Variants in PPP1R42 observed in about 807,000 individuals in gnomAD.
The protein encoded by PPP1R42 is leucine rich repeat containing 67.
In PPP1R42, 34 loss-of-function variants were observed where a neutral mutation model predicts 31.0. The ratio of observed to expected loss-of-function variants is 1.10; its 90% CI spans 0.83 to 1.46. PPP1R42 has a LOEUF of 1.46. PPP1R42 is among the 40% of genes most tolerant of loss of function. PPP1R42 has a pLI of 0.00. For synonymous variants in PPP1R42, 103 were observed against 109.8 expected, an observed-to-expected ratio of 0.94 and a Z score of 0.39; for missense variants, 268 against 303.0, an observed-to-expected ratio of 0.88 and a Z score of 0.86.
intron 2 of PPP1R42, 48 bp from the exon 3 acceptor site, chr8:67,014,640 T>TAA (rs764412541): frequency 8.7e-6 from 12 of 1,373,326 alleles, no homozygotes; most frequent in Non-Finnish European, 1.2e-5. Context: ...CCTGAAAACT[T>TAA]AAAAGTTTGT....
chr8:66,985,987 A>C, intron 6 of PPP1R42: 1 of 746,776 alleles, frequency 1.3e-6, no homozygotes, highest in Middle Eastern at 2.4e-4. Flanking sequence ...TCACTGCTAG[A>C]CTTGGAATGC....
intron 7 of PPP1R42, chr8:66,968,559 T>G: frequency 1.2e-6 from 1 of 840,354 alleles, no homozygotes; most frequent in Non-Finnish European, 1.4e-6. Context: ...TTAATCAATT[T>G]TCTAGAAACT....
intron 5 of PPP1R42, among the ~76,000 whole-genome samples, chr8:67,009,197 G>T (rs1815774554): frequency 6.6e-6 from 1 of 152,060 alleles, no homozygotes; most frequent in Non-Finnish European, 1.5e-5. Flanking sequence ...TTGAACCTGG[G>T]AGGCGGAGGT....
intron 7 of PPP1R42, chr8:66,970,743 G>GT: frequency 2.0e-6 from 1 of 504,896 alleles, no homozygotes; most frequent in South Asian, 1.6e-5. Flanking sequence ...ACCTCAGTGG[G>GT]TGTATCCAGT....
chr8:67,022,904 A>G (rs1816267091), intron 1 of PPP1R42, among the ~76,000 whole-genome samples: 1 of 152,090 alleles, frequency 6.6e-6, no homozygotes, highest in Non-Finnish European at 1.5e-5. Flanking sequence ...TTTAACATCA[A>G]TTTTTCATTT....
At chr8:67,022,522 T>A (rs1816253795) in intron 1 of PPP1R42, among the ~76,000 whole-genome samples, 1 of 152,192 alleles carries the variant, frequency 6.6e-6, no homozygotes, top group Non-Finnish European at 1.5e-5. Context: ...GAAGCTTTAC[T>A]TTTTAATATA....
chr8:66,967,244 G>A (rs1278028558), intron 7 of PPP1R42, among the ~76,000 whole-genome samples: 1 of 152,206 alleles, frequency 6.6e-6, no homozygotes, highest in East Asian at 1.9e-4. Context: ...CCAAAGTGCT[G>A]GAATTATAGG....
At chr8:66,980,357 GC>G (rs1303816299) in intron 7 of PPP1R42, among the ~76,000 whole-genome samples, 2 of 151,980 alleles carry the variant, frequency 1.3e-5, no homozygotes, top group African/African-American at 2.4e-5. Flanking sequence ...CTTCCAAGTA[GC>G]TGGGACGACA....
intron 5 of PPP1R42, among the ~76,000 whole-genome samples, chr8:67,002,126 C>G (rs1815508050): frequency 6.6e-6 from 1 of 152,168 alleles, no homozygotes; most frequent in Admixed American, 6.5e-5. Flanking sequence ...TGACAAGAAG[C>G]TTGTAATAAT....
At chr8:67,028,418 T>C in intron 1 of PPP1R42, 73 bp downstream of exon 1, 1 of 870,072 alleles carries the variant, frequency 1.1e-6, no homozygotes, top group Non-Finnish European at 1.4e-6. Flanking sequence ...AAAGTCTTAC[T>C]GGCAGGCAAG....
intron 6 of PPP1R42, 137 bp downstream of exon 6, chr8:66,988,263 C>G: frequency 7.9e-7 from 1 of 1,265,488 alleles, no homozygotes; most frequent in Non-Finnish European, 9.9e-7. Flanking sequence ...TGCTCTTATT[C>G]AAAATATTGA....
chr8:67,005,553 G>A (rs763725660), intron 5 of PPP1R42, among the ~76,000 whole-genome samples: 2 of 152,072 alleles, frequency 1.3e-5, no homozygotes, highest in African/African-American at 2.4e-5. Flanking sequence ...GGCATTTTAC[G>A]AGGTGGAATT....
intron 5 of PPP1R42, among the ~76,000 whole-genome samples, chr8:66,990,323 GTT>G (rs1815153706): frequency 6.6e-6 from 1 of 152,166 alleles, no homozygotes; most frequent in Admixed American, 6.5e-5. Flanking sequence ...AGTGCTTAGA[GTT>G]TTGTTAATTG....
chr8:67,019,177 C>T (rs1398197181), intron 1 of PPP1R42, among the ~76,000 whole-genome samples: 1 of 150,396 alleles, frequency 6.6e-6, no homozygotes, highest in Non-Finnish European at 1.5e-5. Flanking sequence ...AAGTGCTCCT[C>T]CTGCCTATGC....
In PPP1R42 at chr8:67,010,708, A is replaced by T; in HGVS notation, c.552+7T>A. 6.5e-7 allele frequency: 1 copy of T among 1,536,470 alleles called. No homozygotes were observed. Among genetic ancestry groups the T allele is most frequent in the Non-Finnish European group, 8.9e-7 (1 of 1,119,814 alleles). ...ATATCTTAAAAATTAATTTCTCTTT[A>T]CACTACCTTCACATGCAGAAGTTGG... On this transcript the variant is annotated splice_region_variant and intron_variant, in intron 5 of 7. Coordinates refer to ENST00000685739, the MANE Select transcript of PPP1R42 (RefSeq NM_001364910.1).
chr8:67,024,603 T>A (rs1438464056), intron 1 of PPP1R42, among the ~76,000 whole-genome samples: 1 of 151,342 alleles, frequency 6.6e-6, no homozygotes, highest in African/African-American at 2.4e-5. Context: ...GCCTCCTGAG[T>A]AGCTGGGACT....
At chr8:66,989,164 A>G (rs1478240636) in intron 5 of PPP1R42, among the ~76,000 whole-genome samples, 2 of 152,162 alleles carry the variant, frequency 1.3e-5, no homozygotes, top group Non-Finnish European at 2.9e-5. Flanking sequence ...TTTATATTAT[A>G]TCATAAATAT....
chr8:67,022,913 T>G (rs956506991), intron 1 of PPP1R42, among the ~76,000 whole-genome samples: 3 of 152,170 alleles, frequency 2.0e-5, no homozygotes, highest in Non-Finnish European at 2.9e-5. Flanking sequence ...AATTTTTCAT[T>G]TCATGAAAAG....
intron 2 of PPP1R42, among the ~76,000 whole-genome samples, chr8:67,017,006 C>G (rs189304657): frequency 3.8e-4 from 58 of 152,204 alleles, no homozygotes; most frequent in African/African-American, 1.0e-3. Flanking sequence ...CCAACATACA[C>G]TTTCAAATCT....
Sources: allele counts gnomAD v4.1 joint callset (sites outside exome capture counted in the v4.1 genomes callset), GRCh38; gene constraint gnomAD v4.1.1; transcripts MANE v1.5; gene names NCBI Gene and HGNC (gene_info 2026-07-23, HGNC 2026-07-21).